The following PTPRE variants were observed in gnomAD, a reference collection of about 807,000 sequenced individuals.
PTPRE encodes the protein receptor-type tyrosine-protein phosphatase epsilon.
In PTPRE, 51 loss-of-function variants were observed where a neutral mutation model predicts 102.0. The ratio of observed to expected loss-of-function variants is 0.50; its 90% confidence interval spans 0.40 to 0.63. The LOEUF is 0.63. Among genes scored for constraint, PTPRE ranks in the 30% least tolerant of loss-of-function variants. The pLI is 0.00. For synonymous variants in PTPRE, 345 were observed against 348.2 expected (o/e 0.99, Z 0.10); for missense variants, 752 against 915.1 (o/e 0.82, Z 2.30).
chr10:128,039,812 C>T (rs894993431), intron 2 of PTPRE, among the ~76,000 whole-genome samples: 3 of 152,280 alleles, frequency 2.0e-5, no homozygotes, highest in East Asian at 1.9e-4. Flanking sequence ...ACCTCCACTG[C>T]ATGTCTGCAT....
At chr10:127,921,143 C>G (rs1846570659) in intron 1 of PTPRE, among the ~76,000 whole-genome samples, 1 of 152,194 alleles carries the variant, frequency 6.6e-6, no homozygotes, top group Admixed American at 6.5e-5. Flanking sequence ...ATGAAATACT[C>G]GTTACGATAA....
rs182995966 is a variant in PTPRE, at chr10:127,925,360, C to G, written c.-31+18051C>G. On this transcript the variant is annotated intron_variant, in intron 1 of 20. Coordinates refer to ENST00000254667, the MANE Select transcript of PTPRE (RefSeq NM_006504.6). ...GCCTTATTCCTTCAGGAAAGAATGG[C>G]TGGCTCTTTCCAAACAGTATGTATG... 4.9e-4 allele frequency among the ~76,000 whole-genome samples: 75 copies of G among 152,380 alleles called. 1 individual carries two copies. The highest frequency in any genetic ancestry group is 3.2e-3 in the Admixed American group (49 of 15,306).
rs565492707 is a variant in PTPRE at position 127,983,182 on chromosome 10, T to G, written c.-8+886T>G. On this transcript the variant is annotated intron_variant, in intron 2 of 20. Coordinates refer to ENST00000254667, the MANE Select transcript of PTPRE (RefSeq NM_006504.6). ...GGGTGCCCTTTGTGGCACTGTTCCA[T>G]CTGGGCATAAATGCTTATGGTCGTT... 2.0e-5 allele frequency among the ~76,000 whole-genome samples: 3 copies of G among 152,348 alleles called. No homozygotes were observed. The East Asian group carries it at 5.8e-4, about 29-fold the overall frequency.
intron 1 of PTPRE, among the ~76,000 whole-genome samples, chr10:127,979,363 C>T (rs1198057043): frequency 3.9e-5 from 6 of 152,226 alleles, no homozygotes; most frequent in Non-Finnish European, 8.8e-5. Context: ...CCATCAGCGT[C>T]GCAGTGTTGG....
chr10:128,052,342 G>A (rs1041639486), intron 6 of PTPRE, among the ~76,000 whole-genome samples: 1 of 152,200 alleles, frequency 6.6e-6, no homozygotes, highest in African/African-American at 2.4e-5. Flanking sequence ...AATTCAAAGT[G>A]CAGGCAAACT....
At chr10:127,943,081 C>A (rs1848365220) in intron 1 of PTPRE, among the ~76,000 whole-genome samples, 1 of 152,166 alleles carries the variant, frequency 6.6e-6, no homozygotes, top group Non-Finnish European at 1.5e-5. Context: ...CTTCCCAGCT[C>A]TGCCAGACAT....
Position 128,083,919 on chromosome 10 carries a change from A to G in PTPRE, c.*1013A>G. 1 of 152,372 alleles carries G rather than the reference A, an allele frequency of 6.6e-6. No individual in the cohort carries two copies. Among genetic ancestry groups the G allele is most frequent in the Non-Finnish European group, 1.5e-5 (1 of 68,036 alleles). The allele number at this position is 152,372 out of a possible 1,614,324, so 9.4% of individuals were successfully genotyped here. On this transcript the variant is annotated 3_prime_UTR_variant, in exon 21 of 21. Coordinates refer to ENST00000254667, the MANE Select transcript of PTPRE (RefSeq NM_006504.6). ...TAAATTTTCTGAGCAGCATTTTGGT[A>G]TTTAAACATTTCTTGTAAAAAGCTG...
At chr10:128,058,018 C>T (rs893050929) in intron 7 of PTPRE, among the ~76,000 whole-genome samples, 1 of 152,194 alleles carries the variant, frequency 6.6e-6, no homozygotes, top group Non-Finnish European at 1.5e-5. Flanking sequence ...CTTGATTTGC[C>T]AACCATATGT....
intron 18 of PTPRE, among the ~76,000 whole-genome samples, chr10:128,077,071 G>A (rs1851268209): frequency 6.6e-6 from 1 of 152,112 alleles, no homozygotes; most frequent in African/African-American, 2.4e-5. Flanking sequence ...ATTTCCACTG[G>A]GTCCTTGGTT....
At chr10:128,029,591 G>A (rs181266904) in intron 2 of PTPRE, among the ~76,000 whole-genome samples, 35 of 152,310 alleles carry the variant, frequency 2.3e-4, no homozygotes, top group African/African-American at 8.2e-4. Flanking sequence ...GAAGGCCCGT[G>A]GGTCTCCATT....
At chr10:127,957,635 A>T (rs1041969261) in intron 1 of PTPRE, among the ~76,000 whole-genome samples, 2 of 152,232 alleles carry the variant, frequency 1.3e-5, no homozygotes, top group Non-Finnish European at 2.9e-5. Context: ...AGGTAGTGTC[A>T]GTCCTCCAAC....
At chr10:127,988,097 C>G (rs1481678064) in intron 2 of PTPRE, among the ~76,000 whole-genome samples, 3 of 152,204 alleles carry the variant, frequency 2.0e-5, no homozygotes, top group African/African-American at 7.2e-5. Context: ...GTATGAGTTA[C>G]AGAGAGATTT....
intron 2 of PTPRE, among the ~76,000 whole-genome samples, chr10:128,006,374 G>A (rs1003086549): frequency 2.0e-5 from 3 of 152,186 alleles, no homozygotes; most frequent in East Asian, 3.9e-4. Context: ...GGAATTGTAC[G>A]CCTAATCACC....
intron 3 of PTPRE, among the ~76,000 whole-genome samples, chr10:128,042,905 A>G (rs989198445): frequency 6.6e-6 from 1 of 152,254 alleles, no homozygotes; most frequent in Non-Finnish European, 1.5e-5. Flanking sequence ...GAATACAAAT[A>G]TCTAATTATG....
rs1193024962 is a variant in PTPRE, at chr10:128,040,860, C to T, written c.-7-15C>T. The T allele has an allele frequency of 1.2e-6, 2 of 1,609,584 alleles. No homozygotes were observed. The highest frequency in any genetic ancestry group is 1.7e-6 in the Non-Finnish European group (2 of 1,176,312). ...CTGCTGGATGACCTCTGAGCCTGTC[C>T]CTGCCTCTCTGCAGGTCCACCATGG... On this transcript the variant is annotated splice_polypyrimidine_tract_variant and intron_variant, in intron 2 of 20. Transcript: ENST00000254667.
At chr10:127,951,673 G>A (rs1369191001) in intron 1 of PTPRE, among the ~76,000 whole-genome samples, 1 of 152,214 alleles carries the variant, frequency 6.6e-6, no homozygotes, top group Non-Finnish European at 1.5e-5. Context: ...GACCTGTGGA[G>A]TGAAGGCAAT....
intron 1 of PTPRE, among the ~76,000 whole-genome samples, chr10:127,976,761 T>C (rs1421949877): frequency 6.6e-6 from 1 of 152,246 alleles, no homozygotes; most frequent in African/African-American, 2.4e-5. Context: ...CCTTCTGTCC[T>C]GTCTTTCATG....
chr10:127,915,513 G>A (rs141974567), intron 1 of PTPRE, among the ~76,000 whole-genome samples: 1 of 152,282 alleles, frequency 6.6e-6, no homozygotes, highest in African/African-American at 2.4e-5. Flanking sequence ...TGCCAAGGTT[G>A]CAAACATCAG....
intron 12 of PTPRE, 168 bp from the exon 13 acceptor site, chr10:128,069,524 A>C: frequency 1.2e-6 from 1 of 850,696 alleles, no homozygotes; most frequent in South Asian, 1.7e-5. Flanking sequence ...AGATCACTTT[A>C]CTGAGACCAC....
Sources: gnomAD v4.1 joint callset for allele counts (sites outside exome capture counted in the v4.1 genomes callset) on GRCh38, gnomAD v4.1.1 for gene constraint, MANE v1.5 for transcripts, NCBI Gene and HGNC (gene_info 2026-07-23, HGNC 2026-07-21) for gene names.